The following FBXW8 variants were observed in gnomAD, a reference collection of about 807,000 sequenced individuals.
FBXW8 encodes F-box/WD repeat-containing protein 8.
In FBXW8, 57 loss-of-function variants were observed where a neutral mutation model predicts 65.3. The ratio of observed to expected loss-of-function variants is 0.87; its 90% CI spans 0.71 to 1.09. The LOEUF (loss-of-function observed/expected upper bound fraction) is 1.09, where lower values mean the gene tolerates loss of function less well. Ranked by LOEUF, FBXW8 falls within the 50% of genes least tolerant of loss-of-function variation. The pLI is 0.00. For synonymous variants in FBXW8, 308 were observed against 330.2 expected, an observed-to-expected ratio of 0.93 and a Z score of 0.73; for missense variants, 777 against 814.8, an observed-to-expected ratio of 0.95 and a Z score of 0.57.
chr12:116,999,069 G>T (rs1953446933), intron 7 of FBXW8, among the ~76,000 whole-genome samples: 1 of 152,180 alleles, frequency 6.6e-6, no homozygotes, highest in Non-Finnish European at 1.5e-5. Flanking sequence ...AGTTGCAGAT[G>T]AATCCTTCTA....
intron 1 of FBXW8, among the ~76,000 whole-genome samples, chr12:116,918,965 GT>G (rs149656040): frequency 1.6e-3 from 248 of 151,504 alleles, no homozygotes; most frequent in African/African-American, 5.2e-3. Flanking sequence ...TATATGCCAT[GT>G]TTTTTTTTCC....
chr12:116,979,899 A>C (rs1263984052), intron 5 of FBXW8, among the ~76,000 whole-genome samples: 2 of 152,058 alleles, frequency 1.3e-5, no homozygotes, highest in African/African-American at 4.8e-5. Context: ...GCAGGAGAGA[A>C]GTCGTAGAGA....
chr12:116,968,386 A>G (rs931867011), intron 5 of FBXW8, among the ~76,000 whole-genome samples: 2 of 152,180 alleles, frequency 1.3e-5, no homozygotes, highest in Non-Finnish European at 2.9e-5. Flanking sequence ...AAAAGATAGC[A>G]TACTATTTAC....
chr12:116,966,512 G>A (rs1373023750), intron 5 of FBXW8, among the ~76,000 whole-genome samples: 2 of 151,992 alleles, frequency 1.3e-5, no homozygotes, highest in Admixed American at 1.3e-4. Flanking sequence ...GCTGTTTGTG[G>A]AATCCTGAAC....
At chr12:116,962,622 TA>T (rs1884057001) in intron 4 of FBXW8, among the ~76,000 whole-genome samples, 1 of 152,252 alleles carries the variant, frequency 6.6e-6, no homozygotes, top group Non-Finnish European at 1.5e-5. Flanking sequence ...GAACGTGCCT[TA>T]CTTTTCTGAT....
At chr12:117,027,758 C>T (rs1433866145) in intron 10 of FBXW8, among the ~76,000 whole-genome samples, 1 of 152,238 alleles carries the variant, frequency 6.6e-6, no homozygotes, top group Non-Finnish European at 1.5e-5. Context: ...TGCTGAGGGG[C>T]CTGCTGTGGT....
At chr12:116,969,823 G>T (rs1884544308) in intron 5 of FBXW8, among the ~76,000 whole-genome samples, 1 of 151,926 alleles carries the variant, frequency 6.6e-6, no homozygotes, top group Non-Finnish European at 1.5e-5. Context: ...CACTGTACAT[G>T]CACCTGGGGT....
chr12:116,992,424 TG>T (rs1209433340), intron 7 of FBXW8, among the ~76,000 whole-genome samples: 99 of 148,224 alleles, frequency 6.7e-4, no homozygotes, highest in African/African-American at 2.3e-3. Flanking sequence ...ATCAGAGTTT[TG>T]TTTTTTTTTT....
rs143038068 is a variant in FBXW8 at position 117,007,784 on chromosome 12, A to C, written c.1240-2539A>C. 1.1e-3 allele frequency among the ~76,000 whole-genome samples: 167 copies of C among 152,306 alleles called. 1 individual carries two copies. Among genetic ancestry groups the C allele is most frequent in the African/African-American group, 3.7e-3 (154 of 41,564 alleles). On this transcript the variant is annotated intron_variant, in intron 7 of 10. Transcript: ENST00000652555. ...CTCACTAGTCTATGGCAATCAGATA[A>C]AATGAAGTCCCATTTGCTCAACCTT... is the stretch of plus-strand genomic sequence containing the variant.
chr12:116,939,959 C>A (rs914178309), intron 2 of FBXW8, among the ~76,000 whole-genome samples: 2 of 152,208 alleles, frequency 1.3e-5, no homozygotes, highest in African/African-American at 4.8e-5. Context: ...GTGGACCAGA[C>A]ATGCCAAAAA....
intron 9 of FBXW8, 42 bp from the exon 10 acceptor site, chr12:117,027,352 C>T: frequency 6.7e-7 from 1 of 1,496,154 alleles, no homozygotes; most frequent in Non-Finnish European, 9.3e-7. Flanking sequence ...AGTGCAGGCC[C>T]AGTGGACGCC....
At chr12:117,027,532 G>C in intron 10 of FBXW8, 28 bp downstream of exon 10, 2 of 1,570,940 alleles carry the variant, frequency 1.3e-6, no homozygotes, top group East Asian at 4.5e-5. Flanking sequence ...GCGAGTAAGA[G>C]ACCATCTTAG....
chr12:116,966,172 G>T (rs1377772417), intron 5 of FBXW8, among the ~76,000 whole-genome samples: 1 of 152,130 alleles, frequency 6.6e-6, no homozygotes, highest in East Asian at 1.9e-4. Context: ...ATTCAGCTGA[G>T]CTGTTTCTGT....
intron 7 of FBXW8, among the ~76,000 whole-genome samples, chr12:117,004,100 C>G (rs778714156): frequency 8.5e-5 from 13 of 152,196 alleles, no homozygotes; most frequent in Non-Finnish European, 1.6e-4. Flanking sequence ...TTTCCCATCT[C>G]TCTGTCTGTT....
At chr12:117,023,265 A>T (rs1011913909) in intron 8 of FBXW8, among the ~76,000 whole-genome samples, 9 of 152,078 alleles carry the variant, frequency 5.9e-5, no homozygotes, top group Non-Finnish European at 1.0e-4. Context: ...TTAATCTTAC[A>T]TCCTTGTGCT....
chr12:116,938,003 T>A (rs1246887848), intron 2 of FBXW8, among the ~76,000 whole-genome samples: 2 of 152,088 alleles, frequency 1.3e-5, no homozygotes, highest in African/African-American at 4.8e-5. Flanking sequence ...AGAAAGACCA[T>A]TAGGCCTTTG....
chr12:116,914,780 C>A (rs1880267196), intron 1 of FBXW8, among the ~76,000 whole-genome samples: 1 of 152,088 alleles, frequency 6.6e-6, no homozygotes, highest in South Asian at 2.1e-4. Context: ...GAGGCTGAGG[C>A]AGGAGAATCT....
At chr12:116,972,751 G>A (rs1884710676) in intron 5 of FBXW8, among the ~76,000 whole-genome samples, 1 of 152,160 alleles carries the variant, frequency 6.6e-6, no homozygotes, top group African/African-American at 2.4e-5. Flanking sequence ...AGGAGGCATC[G>A]GTGTGGAATT....
chr12:116,957,331 G>A (rs367751485), intron 4 of FBXW8, among the ~76,000 whole-genome samples: 3 of 152,260 alleles, frequency 2.0e-5, no homozygotes, highest in Non-Finnish European at 2.9e-5. Context: ...TGGTGACAGC[G>A]AGACTGTCTC....
Sources: allele counts gnomAD v4.1 joint callset (sites outside exome capture counted in the v4.1 genomes callset), GRCh38; gene constraint gnomAD v4.1.1; transcripts MANE v1.5; gene names NCBI Gene and HGNC (gene_info 2026-07-23, HGNC 2026-07-21).